Variants in TERB2 observed in about 807,000 individuals in gnomAD.
The protein encoded by TERB2 is telomere repeat binding bouquet formation protein 2.
In TERB2, 26 loss-of-function variants were observed where a neutral mutation model predicts 29.8. The ratio of observed to expected loss-of-function variants is 0.87; its 90% CI spans 0.64 to 1.21. The LOEUF is 1.21. Ranked by LOEUF, TERB2 falls within the 50% of genes most tolerant of loss-of-function variation. The probability of loss-of-function intolerance (pLI) is 0.00; values close to 1 mark genes in which losing one functional copy is unlikely to be tolerated. For missense variants in TERB2, 240 were observed against 268.6 expected (o/e 0.89, Z 0.74); for synonymous variants, 80 against 90.8 (o/e 0.88, Z 0.68).
At chr15:44,961,653 T>A in intron 4 of TERB2, 69 bp downstream of exon 4, 1 of 1,077,458 alleles carries the variant, frequency 9.3e-7, no homozygotes, top group Non-Finnish European at 1.4e-6. Context: ...AGGTTATCTT[T>A]AAAATGTTTA....
intron 4 of TERB2, among the ~76,000 whole-genome samples, chr15:44,964,933 G>A (rs886829279): frequency 1.3e-5 from 2 of 151,764 alleles, no homozygotes; most frequent in African/African-American, 4.8e-5. Context: ...AGGCTGGGGC[G>A]GGCCGATTGC....
chr15:44,973,800 T>C, intron 5 of TERB2, 67 bp from the exon 6 acceptor site: 4 of 1,068,118 alleles, frequency 3.7e-6, no homozygotes, highest in Non-Finnish European at 4.7e-6. Context: ...TACTTTAATA[T>C]AAATGTAATA....
Position 44,961,628 on chromosome 15 carries a change from C to T in TERB2, c.348+44C>T, listed in dbSNP as rs762798903. 5.9e-6 allele frequency: 8 copies of T among 1,359,386 alleles called. No individual in the cohort carries two copies. The East Asian group carries it at 1.9e-4, about 32-fold the overall frequency. The allele number at this position is 1,359,386 out of a possible 1,614,324, so 84.2% of individuals were successfully genotyped here. On this transcript the variant is annotated intron_variant, in intron 4 of 6. Transcript: ENST00000340827. ...ACTTGATTAGCATCTACAGCTTCAACATTTTCTGAAAGCAAGGTTATCTTT... is the reference window on the plus strand; with the variant it reads ...ACTTGATTAGCATCTACAGCTTCAATATTTTCTGAAAGCAAGGTTATCTTT...
In TERB2 at chr15:44,956,926, G is replaced by A. The variant is rs748848733; in HGVS notation, c.95G>A (p.Arg32Gln). 5.0e-6 allele frequency: 8 copies of A among 1,613,928 alleles called. No individual in the cohort carries two copies. Among genetic ancestry groups the A allele is most frequent in the African/African-American group, 1.3e-5 (1 of 74,920 alleles). ...GAAGGGGGAACGATCAGTGACCCGC[G>A]AGCCGCCGACTTCTTGTTCAGCTGT... ...VAEGGTISDP[R>Q]AADFLFSCDA... is the part of the protein sequence containing the mutation. Residue 32 changes from arginine (R) to glutamine (Q), a missense_variant, in exon 2 of 7, where the codon CGA (arginine) becomes CAA (glutamine). By Grantham distance (43) the Arg-to-Gln change is conservative. Coordinates refer to ENST00000340827, the MANE Select transcript of TERB2 (RefSeq NM_152448.3).
At chr15:44,974,958 A>G (rs1044826445) in intron 6 of TERB2, among the ~76,000 whole-genome samples, 9 of 152,194 alleles carry the variant, frequency 5.9e-5, no homozygotes, top group Non-Finnish European at 1.0e-4. Flanking sequence ...TCAGCCATAC[A>G]TAAGGACATA....
chr15:44,973,033 C>T (rs577162167), intron 5 of TERB2, among the ~76,000 whole-genome samples: 5 of 151,374 alleles, frequency 3.3e-5, no homozygotes, highest in African/African-American at 1.2e-4. Context: ...CAGGTGGGTG[C>T]CACCACACCC....
chr15:44,973,756 G>A (rs1892003669), intron 5 of TERB2, 111 bp from the exon 6 acceptor site: 5 of 771,748 alleles, frequency 6.5e-6, no homozygotes, highest in Non-Finnish European at 8.1e-6. Flanking sequence ...TATAGTAAAG[G>A]TAATTATGTA....
chr15:44,977,775 A>G (rs1892066803), intron 6 of TERB2, among the ~76,000 whole-genome samples: 1 of 152,174 alleles, frequency 6.6e-6, no homozygotes, highest in Admixed American at 6.5e-5. Flanking sequence ...TTTTCACACA[A>G]TATTTATTTT....
At position 44,956,775 on chromosome 15, in the gene TERB2, A is replaced by T. The variant is rs1490401514; in HGVS notation, c.57A>T (p.Gln19His). The change falls in exon 1 of 7, where the codon CAA becomes CAT. Residue 19 changes from glutamine (Q) to histidine (H), a missense_variant. Physicochemically the swap from Gln to His is conservative, Grantham distance 24. Coordinates refer to ENST00000340827, the MANE Select transcript of TERB2 (RefSeq NM_152448.3). ...GCAGCGTTAGCCAGGATCTGAGGCA[A>T]TTCTGGGGTAGGAAGCTGAGTGGAA... The part of the protein sequence containing the change: ...FCGSVSQDLR[Q>H]FWVAEGGTIS... 1 of 1,613,872 alleles carries T rather than the reference A, an allele frequency of 6.2e-7. No individual in the cohort carries two copies. Among genetic ancestry groups the T allele is most frequent in the Non-Finnish European group, 8.5e-7 (1 of 1,179,882 alleles).
At chr15:44,976,343 C>T (rs1892047225) in intron 6 of TERB2, among the ~76,000 whole-genome samples, 1 of 152,078 alleles carries the variant, frequency 6.6e-6, no homozygotes, top group African/African-American at 2.4e-5. Flanking sequence ...ACTGGAAAAT[C>T]CACTTCAAAC....
Position 44,961,552 on chromosome 15 carries a change from T to G in TERB2, c.316T>G (p.Trp106Gly), listed in dbSNP as rs1204888389. ...EIRRKIGSFI[W>G]EQDQHFLIEK... The stretch of plus-strand genomic sequence containing the variant: ...AAGAAGAAAAATTGGTAGTTTTATT[T>G]GGGAACAAGACCAACATTTTCTGAT... Residue 106 changes from tryptophan to glycine, a missense_variant, in exon 4 of 7, where the codon TGG (tryptophan) becomes GGG (glycine). Coordinates refer to ENST00000340827, the MANE Select transcript of TERB2 (RefSeq NM_152448.3). 3 of 1,600,240 alleles carry G rather than the reference T, an allele frequency of 1.9e-6. No individual in the cohort carries two copies. Among genetic ancestry groups the G allele is most frequent in the Non-Finnish European group, 2.6e-6 (3 of 1,173,170 alleles).
At chr15:44,959,102 T>C (rs1160070779) in intron 3 of TERB2, among the ~76,000 whole-genome samples, 1 of 152,140 alleles carries the variant, frequency 6.6e-6, no homozygotes, top group South Asian at 2.1e-4. Context: ...AATAAATGTG[T>C]TCTTTCCTAC....
chr15:44,957,105 T>C, intron 2 of TERB2, 128 bp downstream of exon 2: 2 of 993,782 alleles, frequency 2.0e-6, no homozygotes, highest in East Asian at 2.7e-5. Context: ...TCCCAGCTAC[T>C]GGGAAGACTG....
Position 44,956,977 on chromosome 15 carries a change from G to T in TERB2, c.146G>T (p.Arg49Ile). 3.1e-6 allele frequency: 5 copies of T among 1,612,906 alleles called. No individual in the cohort carries two copies. The highest frequency in any genetic ancestry group is 4.2e-6 in the Non-Finnish European group (5 of 1,179,650). ...GATGCCTCGCACCCAGACACGCTGA[G>T]GTACTGAGGGCGACCTGGCAGTGCC... ...SCDASHPDTL[R>I]IYQSLDYIED... Residue 49 changes from arginine to isoleucine, a missense_variant and splice_region_variant, in exon 2 of 7, where the codon AGA (arginine) becomes ATA (isoleucine). Physicochemically the swap from Arg to Ile is moderately conservative, Grantham distance 97. Transcript: ENST00000340827.
At chr15:44,971,426 C>T (rs962469303) in intron 5 of TERB2, among the ~76,000 whole-genome samples, 1 of 152,126 alleles carries the variant, frequency 6.6e-6, no homozygotes, top group Non-Finnish European at 1.5e-5. Flanking sequence ...TCTCTCTTGG[C>T]TCTTCAGGGT....
intron 2 of TERB2, among the ~76,000 whole-genome samples, chr15:44,957,441 C>G (rs1891735235): frequency 6.6e-6 from 1 of 152,008 alleles, no homozygotes; most frequent in African/African-American, 2.4e-5. Flanking sequence ...CTTCTACACC[C>G]GCATGTAGCG....
chr15:44,962,181 T>A (rs1249356900), intron 4 of TERB2, among the ~76,000 whole-genome samples: 2 of 150,654 alleles, frequency 1.3e-5, no homozygotes, highest in African/African-American at 4.9e-5. Context: ...TATTTACCAG[T>A]TCTTTTTTTT....
intron 4 of TERB2, 79 bp downstream of exon 4, chr15:44,961,663 A>G (rs1473630621): frequency 6.1e-6 from 6 of 976,516 alleles, no homozygotes; most frequent in African/African-American, 1.7e-5. Flanking sequence ...TAAAATGTTT[A>G]TTTGTGACAT....
rs575718427 is a variant in TERB2, at chr15:44,978,862, T to C, written c.*234T>C. ...TTCTCAATGCACAGTTGTTAATGAGTAATTGCCGTTAAAATATATTTCATA... is the reference window on the plus strand; with the variant it reads ...TTCTCAATGCACAGTTGTTAATGAGCAATTGCCGTTAAAATATATTTCATA... On this transcript the variant is annotated 3_prime_UTR_variant, in exon 7 of 7. Coordinates refer to ENST00000340827, the MANE Select transcript of TERB2 (RefSeq NM_152448.3). 1 of 316,994 alleles carries C rather than the reference T, an allele frequency of 3.2e-6. No homozygotes were observed. Among genetic ancestry groups the C allele is most frequent in the Non-Finnish European group, 5.2e-6 (1 of 192,918 alleles). The allele number at this position is 316,994 out of a possible 1,614,324, so 19.6% of individuals were successfully genotyped here.
Sources: gnomAD v4.1 joint callset for allele counts (sites outside exome capture counted in the v4.1 genomes callset) on GRCh38, gnomAD v4.1.1 for gene constraint, MANE v1.5 for transcripts, NCBI Gene and HGNC (gene_info 2026-07-23, HGNC 2026-07-21) for gene names.